GUCY1A2: variants seen among roughly 807,000 people sequenced by gnomAD.
GUCY1A2 encodes the protein guanylate cyclase 1 soluble subunit alpha 2.
In GUCY1A2, 27 loss-of-function variants were observed where a neutral mutation model predicts 63.5. That is an observed-to-expected ratio of 0.43 (90% CI 0.31 to 0.59). GUCY1A2 has a LOEUF of 0.59. Among genes scored for constraint, GUCY1A2 ranks in the 20% least tolerant of loss-of-function variants. The probability of loss-of-function intolerance (pLI) is 0.11; values close to 1 mark genes in which losing one functional copy is unlikely to be tolerated. For synonymous variants in GUCY1A2, 364 were observed against 343.5 expected (o/e 1.06, Z -0.66); for missense variants, 768 against 913.3 (o/e 0.84, Z 2.05).
intron 5 of GUCY1A2, among the ~76,000 whole-genome samples, chr11:106,779,925 A>C (rs1450897498): frequency 1.3e-5 from 2 of 152,224 alleles, no homozygotes; most frequent in Non-Finnish European, 2.9e-5. Flanking sequence ...TGACACCTGG[A>C]ATCCCAACAT....
chr11:106,938,197 G>A (rs957052313), intron 4 of GUCY1A2, among the ~76,000 whole-genome samples: 2 of 152,028 alleles, frequency 1.3e-5, no homozygotes, highest in Non-Finnish European at 2.9e-5. Flanking sequence ...GCCCACCTCG[G>A]CCTCCCAAAG....
intron 4 of GUCY1A2, among the ~76,000 whole-genome samples, chr11:106,904,359 C>T (rs991349240): frequency 6.6e-6 from 1 of 152,020 alleles, no homozygotes; most frequent in African/African-American, 2.4e-5. Flanking sequence ...TGTGTAATTC[C>T]TATAATGTTA....
chr11:106,842,159 G>C (rs1033302795), intron 4 of GUCY1A2, among the ~76,000 whole-genome samples: 1 of 151,934 alleles, frequency 6.6e-6, no homozygotes, highest in Non-Finnish European at 1.5e-5. Context: ...CCTAAGGCAA[G>C]AGATCCCACA....
intron 1 of GUCY1A2, among the ~76,000 whole-genome samples, chr11:106,992,491 G>A (rs548021086): frequency 1.1e-4 from 16 of 151,766 alleles, no homozygotes; most frequent in Admixed American, 7.9e-4. Context: ...CTCCATGCCC[G>A]GCTAATTTTT....
chr11:106,921,988 T>G (rs1860450327), intron 4 of GUCY1A2, among the ~76,000 whole-genome samples: 1 of 152,174 alleles, frequency 6.6e-6, no homozygotes, highest in South Asian at 2.1e-4. Flanking sequence ...AATGTTAACA[T>G]AAAGTGCACA....
At chr11:106,911,745 T>C (rs1477365800) in intron 4 of GUCY1A2, among the ~76,000 whole-genome samples, 1 of 152,050 alleles carries the variant, frequency 6.6e-6, no homozygotes, top group Non-Finnish European at 1.5e-5. Flanking sequence ...AATACATGCT[T>C]TTTAAAGTCC....
chr11:106,827,601 A>G, intron 4 of GUCY1A2: 1 of 1,493,852 alleles, frequency 6.7e-7, no homozygotes, highest in Non-Finnish European at 9.3e-7. Flanking sequence ...TTCTGTTACA[A>G]TGCAGTGTTC....
At chr11:106,855,491 G>T (rs562081237) in intron 4 of GUCY1A2, among the ~76,000 whole-genome samples, 1 of 151,974 alleles carries the variant, frequency 6.6e-6, no homozygotes, top group African/African-American at 2.4e-5. Flanking sequence ...TTTTTGTGGA[G>T]GAGGTGACTG....
intron 6 of GUCY1A2, among the ~76,000 whole-genome samples, chr11:106,774,877 G>A (rs1344375976): frequency 6.6e-6 from 1 of 152,114 alleles, no homozygotes; most frequent in Non-Finnish European, 1.5e-5. Flanking sequence ...CGTGTTGATT[G>A]CTTAGAAGTT....
At chr11:106,747,221 C>T (rs1289966910) in intron 6 of GUCY1A2, among the ~76,000 whole-genome samples, 1 of 152,174 alleles carries the variant, frequency 6.6e-6, no homozygotes, top group East Asian at 1.9e-4. Context: ...ATCTCCTGAC[C>T]TCGTGATCTG....
chr11:106,892,814 G>A (rs1859992627), intron 4 of GUCY1A2, among the ~76,000 whole-genome samples: 1 of 152,080 alleles, frequency 6.6e-6, no homozygotes, highest in Non-Finnish European at 1.5e-5. Flanking sequence ...GGGTTTGCAA[G>A]AAACTTGTAT....
intron 1 of GUCY1A2, among the ~76,000 whole-genome samples, chr11:107,002,431 T>C (rs993949448): frequency 6.6e-6 from 1 of 151,046 alleles, no homozygotes; most frequent in African/African-American, 2.5e-5. Context: ...ACAACTCGCA[T>C]AAATATATAA....
chr11:106,797,906 TA>T (rs1864795591), intron 5 of GUCY1A2, among the ~76,000 whole-genome samples: 1 of 151,662 alleles, frequency 6.6e-6, no homozygotes. Context: ...AGGCAAGAAA[TA>T]ACTAAAATCA....
At chr11:106,736,183 GCTA>G (rs1221505683) in intron 6 of GUCY1A2, among the ~76,000 whole-genome samples, 1 of 151,976 alleles carries the variant, frequency 6.6e-6, no homozygotes, top group African/African-American at 2.4e-5. Flanking sequence ...GTGTTTTTGA[GCTA>G]CTACTAATTG....
At chr11:106,709,213 T>A (rs1458840198) in intron 6 of GUCY1A2, among the ~76,000 whole-genome samples, 1 of 116,596 alleles carries the variant, frequency 8.6e-6, no homozygotes, top group Non-Finnish European at 1.8e-5. Flanking sequence ...ACATGTATAT[T>A]ATATATAGTT....
chr11:106,899,805 C>T (rs902837674), intron 4 of GUCY1A2, among the ~76,000 whole-genome samples: 1 of 152,102 alleles, frequency 6.6e-6, no homozygotes, highest in Non-Finnish European at 1.5e-5. Context: ...GAATCTATGG[C>T]CGGGCACGGT....
intron 6 of GUCY1A2, among the ~76,000 whole-genome samples, chr11:106,763,380 G>A (rs764919570): frequency 6.6e-6 from 1 of 151,894 alleles, no homozygotes; most frequent in Admixed American, 6.6e-5. Flanking sequence ...AAAAAGGAAG[G>A]CAAACAGTAT....
In GUCY1A2 at chr11:106,776,698, T is replaced by C. The variant is rs1864363068; in HGVS notation, c.1693-116A>G. On this transcript the variant is annotated intron_variant, in intron 5 of 7. Coordinates refer to ENST00000526355, the MANE Select transcript of GUCY1A2 (RefSeq NM_000855.3). ...AACATGTCGGCAAAACATCAATAAA[T>C]TAAGCAATTAGACTACTGTTTATAA... The C allele has an allele frequency of 2.7e-5, 25 of 928,574 alleles. No individual in the cohort carries two copies. In the South Asian group the frequency reaches 3.8e-4, roughly 14 times the overall value. 57.5% of individuals were successfully genotyped at this position (928,574 alleles called of 1,614,324 possible).
At chr11:106,822,185 C>G (rs1287965659) in intron 4 of GUCY1A2, among the ~76,000 whole-genome samples, 1 of 152,042 alleles carries the variant, frequency 6.6e-6, no homozygotes, top group Non-Finnish European at 1.5e-5. Context: ...AGCTGCTAAA[C>G]TTAGTTTTAT....
Sources: gnomAD v4.1 joint callset for allele counts (sites outside exome capture counted in the v4.1 genomes callset) on GRCh38, gnomAD v4.1.1 for gene constraint, MANE v1.5 for transcripts, NCBI Gene and HGNC (gene_info 2026-07-23, HGNC 2026-07-21) for gene names.